Variants in PTPRG observed in about 807,000 individuals in gnomAD.
PTPRG encodes the protein receptor-type tyrosine-protein phosphatase gamma.
Under a neutral mutation model 165.3 loss-of-function variants are expected in PTPRG, and 102 were observed. That is an observed-to-expected ratio of 0.62 (90% CI 0.53 to 0.73). The LOEUF is 0.73. Among genes scored for constraint, PTPRG ranks in the 30% least tolerant of loss-of-function variants. The pLI is 0.00. For synonymous variants in PTPRG, 675 were observed against 669.5 expected, an observed-to-expected ratio of 1.01 and a Z score of -0.13; for missense variants, 1,866 against 1,861.4, an observed-to-expected ratio of 1.00 and a Z score of -0.05.
At chr3:62,253,526 C>G (rs1012022543) in intron 15 of PTPRG, among the ~76,000 whole-genome samples, 1 of 152,114 alleles carries the variant, frequency 6.6e-6, no homozygotes. Flanking sequence ...ACATAGTAAC[C>G]CTTTTCTCAA....
chr3:61,849,193 A>T (rs959469672), intron 2 of PTPRG, among the ~76,000 whole-genome samples: 1 of 152,190 alleles, frequency 6.6e-6, no homozygotes, highest in Non-Finnish European at 1.5e-5. Context: ...ACACCCTGGA[A>T]CAGGAAACCA....
intron 2 of PTPRG, among the ~76,000 whole-genome samples, chr3:61,878,272 C>G (rs2037797171): frequency 6.6e-6 from 1 of 152,132 alleles, no homozygotes; most frequent in African/African-American, 2.4e-5. Flanking sequence ...CTGTGCCTTC[C>G]CCACACAATA....
In PTPRG at chr3:61,613,036, C is replaced by T. The variant is rs192402486; in HGVS notation, c.85+50664C>T. On this transcript the variant is annotated intron_variant, in intron 1 of 29. Transcript: ENST00000474889. ...ATGCTTTCCATAAAGCCACCAATAG[C>T]GCAGCAGAGTGGCTTACGCTTAGAC... Among the ~76,000 whole-genome samples, 19 of 152,236 alleles carry T rather than the reference C, an allele frequency of 1.2e-4. No homozygotes were observed. In the East Asian group the frequency reaches 3.1e-3, roughly 25 times the overall value.
At chr3:61,795,639 CAAAAAAAAAAAA>C (rs145136197) in intron 2 of PTPRG, among the ~76,000 whole-genome samples, 3 of 59,464 alleles carry the variant, frequency 5.0e-5, no homozygotes, top group South Asian at 1.9e-3. Flanking sequence ...GACTCCGTCT[CAAAAAAAAAAAA>C]AAAAAAAAAA....
intron 28 of PTPRG, among the ~76,000 whole-genome samples, chr3:62,285,235 G>GTAAC (rs1197603976): frequency 6.6e-6 from 1 of 152,098 alleles, no homozygotes; most frequent in Non-Finnish European, 1.5e-5. Flanking sequence ...TTAAATTGTG[G>GTAAC]TAACTTACAA....
chr3:62,133,343 T>C (rs1418179917), intron 6 of PTPRG, among the ~76,000 whole-genome samples: 1 of 152,222 alleles, frequency 6.6e-6, no homozygotes, highest in Non-Finnish European at 1.5e-5. Flanking sequence ...TGTAATGATT[T>C]GCAAAGTTTT....
At chr3:61,811,226 GACTTT>G (rs1202903585) in intron 2 of PTPRG, among the ~76,000 whole-genome samples, 7 of 152,078 alleles carry the variant, frequency 4.6e-5, no homozygotes, top group African/African-American at 1.7e-4. Flanking sequence ...GTGCTTGCAT[GACTTT>G]ACTTGGCCTC....
intron 6 of PTPRG, among the ~76,000 whole-genome samples, chr3:62,137,203 A>T (rs567713066): frequency 3.5e-4 from 54 of 152,276 alleles, no homozygotes; most frequent in Admixed American, 1.8e-3. Context: ...TGTAAATCCT[A>T]TTCACTGTAT....
intron 17 of PTPRG, among the ~76,000 whole-genome samples, chr3:62,265,492 A>C (rs914104368): frequency 6.6e-6 from 1 of 152,128 alleles, no homozygotes; most frequent in Non-Finnish European, 1.5e-5. Flanking sequence ...CGTCTTTTCT[A>C]GTAGTTTTTT....
intron 2 of PTPRG, among the ~76,000 whole-genome samples, chr3:61,859,754 A>G (rs906178195): frequency 1.3e-5 from 2 of 152,098 alleles, no homozygotes; most frequent in Admixed American, 1.3e-4. Context: ...ACTCTTTCAA[A>G]ATTACCTTTC....
intron 2 of PTPRG, among the ~76,000 whole-genome samples, chr3:61,879,354 G>A (rs1187342813): frequency 6.6e-6 from 1 of 152,212 alleles, no homozygotes; most frequent in Non-Finnish European, 1.5e-5. Context: ...GAACATGGGA[G>A]TCTTTTCCCA....
intron 1 of PTPRG, among the ~76,000 whole-genome samples, chr3:61,563,544 G>A (rs1699823930): frequency 6.6e-6 from 1 of 152,228 alleles, no homozygotes; most frequent in African/African-American, 2.4e-5. Context: ...AGGGCTGGAA[G>A]AAGGGGTGAT....
At chr3:61,754,993 C>A (rs2033584370) in intron 2 of PTPRG, among the ~76,000 whole-genome samples, 1 of 146,462 alleles carries the variant, frequency 6.8e-6, no homozygotes, top group Non-Finnish European at 1.5e-5. Context: ...TCTTCTTCTT[C>A]TTTTTTTTTT....
chr3:61,731,025 T>C (rs1198563162), intron 1 of PTPRG, among the ~76,000 whole-genome samples: 2 of 152,228 alleles, frequency 1.3e-5, no homozygotes, highest in Non-Finnish European at 2.9e-5. Flanking sequence ...TGTTGAACAC[T>C]GTTCTACTCT....
chr3:61,748,118 T>C (rs780259369), intron 1 of PTPRG, among the ~76,000 whole-genome samples: 13 of 152,150 alleles, frequency 8.5e-5, no homozygotes, highest in Non-Finnish European at 1.5e-4. Context: ...CACTAATCAG[T>C]GTTTCTTTTG....
At chr3:61,907,069 G>A (rs897378413) in intron 2 of PTPRG, among the ~76,000 whole-genome samples, 4 of 151,948 alleles carry the variant, frequency 2.6e-5, no homozygotes, top group African/African-American at 9.7e-5. Flanking sequence ...ATTTTTGCAA[G>A]AAGTTGTTAT....
intron 14 of PTPRG, among the ~76,000 whole-genome samples, chr3:62,239,295 G>A (rs909245795): frequency 4.9e-4 from 75 of 151,522 alleles, no homozygotes; most frequent in African/African-American, 1.7e-3. Flanking sequence ...GAAATTGCAC[G>A]CTCAGTGACA....
chr3:62,151,530 T>G (rs188349500), intron 6 of PTPRG, among the ~76,000 whole-genome samples: 15 of 151,998 alleles, frequency 9.9e-5, no homozygotes, highest in African/African-American at 3.6e-4. Context: ...TGATGAACAA[T>G]TAATTATTAA....
Position 61,562,246 on chromosome 3 carries a change from T to C in PTPRG, c.-42T>C. 2 of 1,574,558 alleles carry C rather than the reference T, an allele frequency of 1.3e-6. No individual in the cohort carries two copies. Among genetic ancestry groups the C allele is most frequent in the Non-Finnish European group, 1.7e-6 (2 of 1,144,310 alleles). On this transcript the variant is annotated 5_prime_UTR_variant, in exon 1 of 30. Coordinates refer to ENST00000474889, the MANE Select transcript of PTPRG (RefSeq NM_002841.4). ...CGGAGGCAAGAACTTATTCAACAAG[T>C]TTACCTCCCTGCTTTCCTCTTTTCG... is the stretch of plus-strand genomic sequence containing the variant.
Sources: allele counts gnomAD v4.1 joint callset (sites outside exome capture counted in the v4.1 genomes callset), GRCh38; gene constraint gnomAD v4.1.1; transcripts MANE v1.5; gene names NCBI Gene and HGNC (gene_info 2026-07-23, HGNC 2026-07-21).